TMEM131L: variants seen among roughly 807,000 people sequenced by gnomAD.
TMEM131L encodes the protein transmembrane protein 131-like.
Under a neutral mutation model 192.2 loss-of-function variants are expected in TMEM131L, and 54 were observed. The observed-to-expected ratio is 0.28, with a 90% CI of 0.23 to 0.35. The LOEUF is 0.35. Ranked by LOEUF, TMEM131L falls within the 10% of genes least tolerant of loss-of-function variation. The pLI is 1.00. For missense variants in TMEM131L, 1,888 were observed against 1,972.9 expected (o/e 0.96, Z 0.82); for synonymous variants, 701 against 704.9 (o/e 0.99, Z 0.09).
At chr4:153,552,548 A>C (rs1468324337) in intron 4 of TMEM131L, among the ~76,000 whole-genome samples, 1 of 152,126 alleles carries the variant, frequency 6.6e-6, no homozygotes, top group African/African-American at 2.4e-5. Context: ...TTATCTCTAG[A>C]GGCCGGGCAC....
intron 2 of TMEM131L, among the ~76,000 whole-genome samples, chr4:153,473,163 G>C (rs1025576213): frequency 1.3e-5 from 2 of 152,228 alleles, no homozygotes; most frequent in South Asian, 4.1e-4. Context: ...GTGTGCATCT[G>C]ACCAGTTGGA....
At chr4:153,505,093 A>G (rs1580091700) in intron 3 of TMEM131L, among the ~76,000 whole-genome samples, 2 of 145,180 alleles carry the variant, frequency 1.4e-5, no homozygotes, top group South Asian at 2.2e-4. Flanking sequence ...CCAACTTTCC[A>G]TTTCTTTCTT....
chr4:153,551,028 T>A (rs1737581674), intron 4 of TMEM131L, among the ~76,000 whole-genome samples: 2 of 152,326 alleles, frequency 1.3e-5, no homozygotes, highest in Middle Eastern at 6.8e-3. Flanking sequence ...TAAGGACTCT[T>A]GTTGTCCGTG....
rs749038140 is a variant in TMEM131L at position 153,541,600 on chromosome 4, G to C, written c.240-8473G>C. 1.1e-3 allele frequency among the ~76,000 whole-genome samples: 166 copies of C among 152,314 alleles called. 1 individual carries two copies. The highest frequency in any genetic ancestry group is 1.7e-3 in the Non-Finnish European group (115 of 68,030). On this transcript the variant is annotated intron_variant, in intron 3 of 34. Coordinates refer to ENST00000409959, the MANE Select transcript of TMEM131L (RefSeq NM_001131007.2). Reference sequence around the variant, plus strand: ...CCACGGGATGAGGCCTGGTACAGATGGAAACACGAGTCAGGAGCTCAGCAG... The same window carrying C: ...CCACGGGATGAGGCCTGGTACAGATCGAAACACGAGTCAGGAGCTCAGCAG...
intron 33 of TMEM131L, among the ~76,000 whole-genome samples, 172 bp from the exon 34 acceptor site, chr4:153,635,260 G>A (rs1483130500): frequency 1.3e-5 from 2 of 152,148 alleles, no homozygotes; most frequent in Non-Finnish European, 2.9e-5. Context: ...CTGATAAAAA[G>A]TTTTAATCTT....
chr4:153,507,923 C>T (rs922615749), intron 3 of TMEM131L, among the ~76,000 whole-genome samples: 1 of 152,134 alleles, frequency 6.6e-6, no homozygotes, highest in African/African-American at 2.4e-5. Flanking sequence ...CTTTGAAACA[C>T]ATAGAATGGA....
At chr4:153,591,428 A>G (rs1442809010) in intron 17 of TMEM131L, among the ~76,000 whole-genome samples, 1 of 152,248 alleles carries the variant, frequency 6.6e-6, no homozygotes, top group Non-Finnish European at 1.5e-5. Context: ...CTCAACTGCA[A>G]ACAGCAGAGA....
At chr4:153,592,399 T>C in intron 17 of TMEM131L, 76 bp from the exon 18 acceptor site, 1 of 926,884 alleles carries the variant, frequency 1.1e-6, no homozygotes, top group Admixed American at 1.8e-5. Flanking sequence ...GATTAGGTTA[T>C]GCTTTTTGGC....
intron 3 of TMEM131L, among the ~76,000 whole-genome samples, chr4:153,527,733 T>G (rs1163605283): frequency 6.6e-6 from 1 of 152,236 alleles, no homozygotes; most frequent in Non-Finnish European, 1.5e-5. Flanking sequence ...CTTTCGTGTT[T>G]GAGGAAACGC....
Position 153,582,390 on chromosome 4 carries a change from G to A in TMEM131L, c.893-800G>A, listed in dbSNP as rs758204721. On this transcript the variant is annotated intron_variant, in intron 9 of 34. Transcript: ENST00000409959. ...CTCCCAAGTAGCTGGGACCACAGGC[G>A]CACACCACTATGCCTGGCTAATTTA... 2.7e-5 allele frequency among the ~76,000 whole-genome samples: 4 copies of A among 146,036 alleles called. No individual in the cohort carries two copies. In the South Asian group the frequency reaches 6.5e-4, roughly 24 times the overall value.
intron 6 of TMEM131L, 47 bp downstream of exon 6, chr4:153,557,129 T>C: frequency 1.2e-6 from 1 of 823,656 alleles, no homozygotes. Flanking sequence ...GTGACTTAAC[T>C]GTAGGGGTGT....
intron 14 of TMEM131L, among the ~76,000 whole-genome samples, chr4:153,586,726 G>A (rs1375115356): frequency 2.6e-5 from 4 of 152,128 alleles, no homozygotes; most frequent in Non-Finnish European, 2.9e-5. Context: ...TACTTGCAAT[G>A]ACTTAATAAA....
chr4:153,487,713 TGTGTGTGAGA>T (rs1432067589), intron 3 of TMEM131L, among the ~76,000 whole-genome samples: 73 of 145,170 alleles, frequency 5.0e-4, no homozygotes, highest in Middle Eastern at 3.5e-3. Flanking sequence ...TGTGTGTGTG[TGTGTGTGAGA>T]GAGAGAGAGA....
rs770573483 is a variant in TMEM131L at position 153,466,443 on chromosome 4, G to T, written c.46G>T (p.Ala16Ser). 1.4e-6 allele frequency: 2 copies of T among 1,412,926 alleles called. No individual in the cohort carries two copies. The highest frequency in any genetic ancestry group is 9.3e-7 in the Non-Finnish European group (1 of 1,076,292). 87.5% of individuals were successfully genotyped at this position (1,412,926 alleles called of 1,614,324 possible). A position where few individuals can be genotyped will look rare whatever the true frequency, so the allele number is the denominator to read the frequency against. Residue 16 changes from alanine (A) to serine (S), a missense_variant, in exon 1 of 35, where the codon GCG becomes TCG. Coordinates refer to ENST00000409959, the MANE Select transcript of TMEM131L (RefSeq NM_001131007.2). ...GCAGCCCGGCTGCTACTGCCGCACC[G>T]CGGCGGCCGTGAACCTCCTGCTGGG... ...RPQPGCYCRT[A>S]AAVNLLLGVF...
intron 7 of TMEM131L, among the ~76,000 whole-genome samples, chr4:153,559,417 C>G (rs1237561699): frequency 6.6e-6 from 1 of 152,276 alleles, no homozygotes; most frequent in Non-Finnish European, 1.5e-5. Context: ...GAGACTGATA[C>G]TGATGTGCTG....
chr4:153,468,255 T>G (rs959007999), intron 2 of TMEM131L, among the ~76,000 whole-genome samples: 10 of 152,222 alleles, frequency 6.6e-5, no homozygotes, highest in African/African-American at 2.4e-4. Context: ...ATATTTAGAA[T>G]ATTCATTTTG....
intron 3 of TMEM131L, among the ~76,000 whole-genome samples, chr4:153,518,331 A>C (rs1379568733): frequency 6.6e-6 from 1 of 152,202 alleles, no homozygotes; most frequent in African/African-American, 2.4e-5. Flanking sequence ...TGTTTTTGCT[A>C]TAATAGAAAG....
Position 153,558,277 on chromosome 4 carries a change from G to A in TMEM131L, c.569G>A (p.Arg190His), listed in dbSNP as rs530138329. 64 of 1,593,530 alleles carry A rather than the reference G, an allele frequency of 4.0e-5. No homozygotes were observed. The highest frequency in any genetic ancestry group is 3.6e-4 in the South Asian group (32 of 89,614). The change falls in exon 7 of 35, where the codon CGT (arginine) becomes CAT (histidine). Residue 190 changes from arginine (R) to histidine (H), a missense_variant. Arg to His is a conservative substitution (Grantham distance 29, BLOSUM62 0). Coordinates refer to ENST00000409959, the MANE Select transcript of TMEM131L (RefSeq NM_001131007.2). ...LSYHVSGIGTRRISTEGSAKQ... is the reference protein window; with the variant it reads ...LSYHVSGIGTHRISTEGSAKQ... Reference sequence around the variant, plus strand: ...CCGCAGGTATCTGGAATTGGCACTCGTAGAATCTCTACAGAAGGGTCTGCA... The same window carrying A: ...CCGCAGGTATCTGGAATTGGCACTCATAGAATCTCTACAGAAGGGTCTGCA...
chr4:153,499,540 C>T (rs1733438305), intron 3 of TMEM131L, among the ~76,000 whole-genome samples: 1 of 151,956 alleles, frequency 6.6e-6, no homozygotes, highest in Non-Finnish European at 1.5e-5. Context: ...GATTCTCCTG[C>T]CTCAGCCTCC....
Sources: gnomAD v4.1 joint callset for allele counts (sites outside exome capture counted in the v4.1 genomes callset) on GRCh38, gnomAD v4.1.1 for gene constraint, MANE v1.5 for transcripts, NCBI Gene and HGNC (gene_info 2026-07-23, HGNC 2026-07-21) for gene names.